FGD3: variants seen among roughly 807,000 people sequenced by gnomAD.
FGD3 encodes the protein FYVE, RhoGEF and PH domain containing 3.
FGD3 carries 45 observed loss-of-function variants against 71.8 expected under a neutral mutation model. The observed-to-expected ratio is 0.63, with a 90% CI of 0.49 to 0.80. FGD3 has a LOEUF of 0.80. FGD3 is among the 30% of genes least tolerant of loss of function. The pLI is 0.00. For synonymous variants in FGD3, 378 were observed against 392.8 expected, an observed-to-expected ratio of 0.96 and a Z score of 0.44; for missense variants, 844 against 951.5, an observed-to-expected ratio of 0.89 and a Z score of 1.49.
At chr9:93,028,266 A>G (rs913615058) in intron 14 of FGD3, among the ~76,000 whole-genome samples, 1 of 151,070 alleles carries the variant, frequency 6.6e-6, no homozygotes, top group African/African-American at 2.4e-5. Context: ...TTTAAAGCAT[A>G]TCCCAGACCT....
chr9:93,015,914 C>T (rs1861663378), intron 10 of FGD3, 85 bp downstream of exon 10: 2 of 1,229,048 alleles, frequency 1.6e-6, no homozygotes. Flanking sequence ...GCCGCTGAGG[C>T]ACTCACCTCT....
chr9:92,998,832 A>C (rs951418189), intron 3 of FGD3, among the ~76,000 whole-genome samples: 3 of 152,138 alleles, frequency 2.0e-5, no homozygotes, highest in African/African-American at 7.2e-5. Context: ...CTTCTTCTGG[A>C]AGCTTTGTCT....
At position 92,976,706 on chromosome 9, in the gene FGD3, C is replaced by A; in HGVS notation, c.450C>A (p.Ala150=). ...AGGCTGACAAGGATGCCGGCCTGGC[C>A]CAGGTAGGCTTCCCCTTCTCTGTCC... ...PQKADKDAGL[A]QHSGPQKLLH... The change falls in exon 3 of 18, where the codon GCC becomes GCA. Residue 150 remains alanine (A), a synonymous_variant. Transcript: ENST00000375482. The A allele has an allele frequency of 6.4e-7, 1 of 1,572,416 alleles. No individual in the cohort carries two copies. The highest frequency in any genetic ancestry group is 8.6e-7 in the Non-Finnish European group (1 of 1,158,204).
At position 93,035,709 on chromosome 9, in the gene FGD3, T is replaced by C. The variant is rs990362486; in HGVS notation, c.*120T>C. 3 of 1,378,694 alleles carry C rather than the reference T, an allele frequency of 2.2e-6. No individual in the cohort carries two copies. The African/African-American group carries it at 4.4e-5, about 20-fold the overall frequency. The allele number at this position is 1,378,694 out of a possible 1,614,324, so 85.4% of individuals were successfully genotyped here. A position where few individuals can be genotyped will look rare whatever the true frequency, so the allele number is the denominator to read the frequency against. On this transcript the variant is annotated 3_prime_UTR_variant, in exon 18 of 18. Coordinates refer to ENST00000375482, the MANE Select transcript of FGD3 (RefSeq NM_001083536.2). Reference sequence around the variant, plus strand: ...TGAGGGTGGGCCAACAGCCCAGAGCTCAGGACACTTGGCTTTGGGGGGAAG... The same window carrying C: ...TGAGGGTGGGCCAACAGCCCAGAGCCCAGGACACTTGGCTTTGGGGGGAAG...
intron 1 of FGD3, among the ~76,000 whole-genome samples, chr9:92,948,591 A>G (rs957340242): frequency 3.3e-5 from 5 of 152,242 alleles, no homozygotes; most frequent in African/African-American, 1.2e-4. Flanking sequence ...AGTGTAAACA[A>G]TGAGTGCGTG....
chr9:92,986,885 A>G (rs930541096), intron 3 of FGD3, among the ~76,000 whole-genome samples: 15 of 152,248 alleles, frequency 9.9e-5, no homozygotes, highest in Non-Finnish European at 1.5e-4. Flanking sequence ...GGTAAAAACA[A>G]GTATAAATCT....
chr9:92,995,652 A>G (rs777909340), intron 3 of FGD3, among the ~76,000 whole-genome samples: 8 of 152,326 alleles, frequency 5.3e-5, no homozygotes, highest in Admixed American at 2.6e-4. Context: ...ATGTCCCATC[A>G]ATATCTAGTT....
chr9:92,960,415 G>A (rs981731005), intron 1 of FGD3, among the ~76,000 whole-genome samples: 2 of 152,102 alleles, frequency 1.3e-5, no homozygotes, highest in African/African-American at 4.8e-5. Context: ...TTTGCCTTAT[G>A]CTGTGTGCTT....
At chr9:93,022,456 CTATAGGGAAG>C in intron 14 of FGD3, 67 bp downstream of exon 14, 6 of 1,543,556 alleles carry the variant, frequency 3.9e-6, no homozygotes, top group Middle Eastern at 1.7e-4. Flanking sequence ...CCAGGATGAC[CTATAGGGAAG>C]ATGGAGAGGG....
chr9:92,995,611 T>C (rs923360486), intron 3 of FGD3, among the ~76,000 whole-genome samples: 5 of 151,936 alleles, frequency 3.3e-5, no homozygotes, highest in African/African-American at 1.2e-4. Flanking sequence ...GGCTGTGGGT[T>C]TGTCATAAAT....
Position 93,036,020 on chromosome 9 carries a change from C to A in FGD3, c.*431C>A, listed in dbSNP as rs1481406043. On this transcript the variant is annotated 3_prime_UTR_variant, in exon 18 of 18. Coordinates refer to ENST00000375482, the MANE Select transcript of FGD3 (RefSeq NM_001083536.2). Reference sequence around the variant, plus strand: ...CTGAATCGTGACTTGCTTCCCACCTCCTTTCTCTGTCCTCTCCTGAGGTTC... The same window carrying A: ...CTGAATCGTGACTTGCTTCCCACCTACTTTCTCTGTCCTCTCCTGAGGTTC... 5 of 164,568 alleles carry A rather than the reference C, an allele frequency of 3.0e-5. No homozygotes were observed. In the East Asian group the frequency reaches 8.9e-4, roughly 29 times the overall value. 10.2% of individuals were successfully genotyped at this position (164,568 alleles called of 1,614,324 possible).
In FGD3 at chr9:92,951,968, A is replaced by G. The variant is rs1417218557; in HGVS notation, c.-218+4239A>G. Among the ~76,000 whole-genome samples, 5 of 152,104 alleles carry G rather than the reference A, an allele frequency of 3.3e-5. No individual in the cohort carries two copies. In the East Asian group the frequency reaches 9.6e-4, roughly 29 times the overall value. Reference sequence around the variant, plus strand: ...TGAGGGTCTAAGATCTTCAGTGGCAAAAGGGGCATCTGGTTTTTTGACCCT... The same window carrying G: ...TGAGGGTCTAAGATCTTCAGTGGCAGAAGGGGCATCTGGTTTTTTGACCCT... On this transcript the variant is annotated intron_variant, in intron 1 of 17. Coordinates refer to ENST00000375482, the MANE Select transcript of FGD3 (RefSeq NM_001083536.2).
At chr9:93,033,291 C>T in intron 16 of FGD3, 2 of 174,050 alleles carry the variant, frequency 1.1e-5, no homozygotes, top group South Asian at 7.7e-5. Flanking sequence ...CCTCCTCCTC[C>T]TCCCCGTCCC....
chr9:92,998,408 G>T (rs1300926178), intron 3 of FGD3, among the ~76,000 whole-genome samples: 1 of 152,112 alleles, frequency 6.6e-6, no homozygotes, highest in African/African-American at 2.4e-5. Flanking sequence ...TTTGCGATGG[G>T]TTCAAACATC....
At chr9:93,033,237 C>A (rs920884937) in intron 16 of FGD3, 1 of 360,798 alleles carries the variant, frequency 2.8e-6, no homozygotes, top group African/African-American at 2.1e-5. Flanking sequence ...CCTGCCTCAC[C>A]TCCAGCTGTC....
chr9:93,014,027 C>A, intron 9 of FGD3, 29 bp downstream of exon 9: 1 of 1,585,226 alleles, frequency 6.3e-7, no homozygotes, highest in South Asian at 1.1e-5. Context: ...AGCCCAGCCG[C>A]AGAGCCTCCC....
chr9:92,953,874 G>A (rs547925630), intron 1 of FGD3, among the ~76,000 whole-genome samples: 1 of 152,270 alleles, frequency 6.6e-6, no homozygotes, highest in East Asian at 1.9e-4. Context: ...TCTTTCATTA[G>A]AGAGATTTAG....
chr9:92,997,111 A>G (rs1346634529), intron 3 of FGD3, among the ~76,000 whole-genome samples: 1 of 152,178 alleles, frequency 6.6e-6, no homozygotes, highest in Non-Finnish European at 1.5e-5. Context: ...TGGGAGTCTA[A>G]GTCTCTTTGT....
At chr9:93,010,119 T>G in intron 6 of FGD3, 127 bp from the exon 7 acceptor site, 1 of 1,146,544 alleles carries the variant, frequency 8.7e-7, no homozygotes, top group Non-Finnish European at 1.2e-6. Context: ...AGCCATGTCT[T>G]GAAGGACAGT....
Sources: allele counts gnomAD v4.1 joint callset (sites outside exome capture counted in the v4.1 genomes callset), GRCh38; gene constraint gnomAD v4.1.1; transcripts MANE v1.5; gene names NCBI Gene and HGNC (gene_info 2026-07-23, HGNC 2026-07-21).